Variants in DLC1 observed in about 807,000 individuals in gnomAD.
DLC1 encodes the protein rho GTPase-activating protein 7.
In DLC1, 54 loss-of-function variants were observed where a neutral mutation model predicts 140.3. The ratio of observed to expected loss-of-function variants is 0.38; its 90% CI spans 0.31 to 0.48. DLC1 has a LOEUF of 0.48. Ranked by LOEUF, DLC1 falls within the 20% of genes least tolerant of loss-of-function variation. The probability of loss-of-function intolerance (pLI) is 0.96; values close to 1 mark genes in which losing one functional copy is unlikely to be tolerated. For missense variants in DLC1, 2,536 were observed against 1,907.0 expected (o/e 1.33, Z -6.14); for synonymous variants, 986 against 728.1 (o/e 1.35, Z -5.70).
chr8:13,177,576 G>A (rs1585847195), intron 5 of DLC1, among the ~76,000 whole-genome samples: 1 of 152,278 alleles, frequency 6.6e-6, no homozygotes, highest in African/African-American at 2.4e-5. Flanking sequence ...ATTGATATAT[G>A]CATTACAAAA....
chr8:13,114,366 C>T (rs1159380742), intron 6 of DLC1, among the ~76,000 whole-genome samples: 1 of 152,104 alleles, frequency 6.6e-6, no homozygotes, highest in Non-Finnish European at 1.5e-5. Context: ...CGTCTCAAAA[C>T]AAATAAATAA....
At chr8:13,545,962 C>G (rs1188243793) in intron 1 of DLC1, among the ~76,000 whole-genome samples, 1 of 152,000 alleles carries the variant, frequency 6.6e-6, no homozygotes, top group East Asian at 1.9e-4. Context: ...CACTGGGATA[C>G]CAGCCAAGCA....
At chr8:13,287,745 C>T (rs1378760884) in intron 5 of DLC1, among the ~76,000 whole-genome samples, 2 of 151,970 alleles carry the variant, frequency 1.3e-5, no homozygotes, top group Admixed American at 1.3e-4. Context: ...GACTAGATCG[C>T]CGATGATGCA....
chr8:13,243,326 A>G (rs1022287851), intron 5 of DLC1, among the ~76,000 whole-genome samples: 15 of 139,306 alleles, frequency 1.1e-4, no homozygotes, highest in Non-Finnish European at 1.5e-4. Flanking sequence ...AGTGTGTAGC[A>G]TTTCACTCTT....
chr8:13,439,494 A>C (rs574511642), intron 2 of DLC1, among the ~76,000 whole-genome samples: 11 of 151,452 alleles, frequency 7.3e-5, no homozygotes, highest in African/African-American at 2.7e-4. Context: ...TTTTTTTTAA[A>C]TCCCTAATGA....
chr8:13,459,570 A>G (rs79611293), intron 2 of DLC1, among the ~76,000 whole-genome samples: 1,695 of 152,242 alleles, frequency 0.011, 32 homozygotes, highest in African/African-American at 0.039. Context: ...CTGTGTTCCA[A>G]TGGGGGCAGG....
chr8:13,100,101 G>C lies in DLC1; in HGVS notation c.2236C>G (p.Gln746Glu), dbSNP rs1563593972. ...NSTQTSSSSS[Q>E]SETSSAVSTP... Reference sequence around the variant, plus strand: ...CTGACCGCGCTGCTGGTCTCCGACTGGCTGCTGCTGCTGCTGGTCTGCGTG... The same window carrying C: ...CTGACCGCGCTGCTGGTCTCCGACTCGCTGCTGCTGCTGCTGGTCTGCGTG... The change falls in exon 9 of 18, where the codon CAG (glutamine) becomes GAG (glutamate). Residue 746 changes from glutamine (Q) to glutamate (E), a missense_variant. Gln to Glu is a conservative substitution (Grantham distance 29, BLOSUM62 2). Transcript: ENST00000276297. 16 of 1,613,346 alleles carry C rather than the reference G, an allele frequency of 9.9e-6. No homozygotes were observed. In the South Asian group the frequency reaches 1.8e-4, roughly 18 times the overall value.
intron 5 of DLC1, among the ~76,000 whole-genome samples, chr8:13,120,030 G>T (rs6531025): frequency 1.3e-5 from 2 of 151,598 alleles, no homozygotes; most frequent in Middle Eastern, 6.8e-3. Flanking sequence ...TGCAAGACAG[G>T]TTCTTCCCTT....
chr8:13,594,931 A>T (rs115499918), intron 1 of DLC1, among the ~76,000 whole-genome samples: 1 of 151,880 alleles, frequency 6.6e-6, no homozygotes, highest in African/African-American at 2.4e-5. Context: ...TTGATGTTCA[A>T]TGTGACTATT....
At position 13,095,259 on chromosome 8, in the gene DLC1, CA is replaced by C; in HGVS notation, c.3168-15del. 3.1e-6 allele frequency: 5 copies of C among 1,614,168 alleles called. No homozygotes were observed. The highest frequency in any genetic ancestry group is 3.4e-6 in the Non-Finnish European group (4 of 1,179,998). ...TTGGGCACGGCCCTGTTAAAGAACA[CA>C]GAGATGGTGGTGTTGGCGGAGACAT... On this transcript the variant is annotated splice_polypyrimidine_tract_variant and intron_variant, in intron 10 of 17. Coordinates refer to ENST00000276297, the MANE Select transcript of DLC1 (RefSeq NM_182643.3).
intron 4 of DLC1, among the ~76,000 whole-genome samples, chr8:13,327,978 T>G (rs1833440476): frequency 6.6e-6 from 1 of 152,198 alleles, no homozygotes; most frequent in Admixed American, 6.5e-5. Flanking sequence ...GAACTACATG[T>G]GCAAAAGTTC....
rs190260416 is a variant in DLC1 at position 13,136,687 on chromosome 8, A to G, written c.1349-21030T>C. 4.3e-3 allele frequency among the ~76,000 whole-genome samples: 656 copies of G among 152,246 alleles called. 7 individuals are homozygous for G. Among genetic ancestry groups the G allele is most frequent in the African/African-American group, 0.014 (596 of 41,550 alleles). On this transcript the variant is annotated intron_variant, in intron 5 of 17. Coordinates refer to ENST00000276297, the MANE Select transcript of DLC1 (RefSeq NM_182643.3). ...GTAGCTGGCACTACAGGTGCGTGCC[A>G]CCACATCTGGCTAATTTTTGTATTT...
chr8:13,162,154 G>C (rs1280586097), intron 5 of DLC1, among the ~76,000 whole-genome samples: 6 of 152,148 alleles, frequency 3.9e-5, no homozygotes, highest in Non-Finnish European at 7.3e-5. Context: ...CACTGCTCTT[G>C]GAACAGCTTG....
intron 5 of DLC1, among the ~76,000 whole-genome samples, chr8:13,125,186 A>G (rs943083532): frequency 8.5e-5 from 13 of 152,186 alleles, no homozygotes; most frequent in Non-Finnish European, 1.6e-4. Context: ...CATGTTGGCC[A>G]GGCTGGTCTC....
chr8:13,208,715 A>C (rs1195367974), intron 5 of DLC1, among the ~76,000 whole-genome samples: 1 of 143,292 alleles, frequency 7.0e-6, no homozygotes, highest in African/African-American at 2.7e-5. Context: ...GCAGGACAAG[A>C]AACACACACC....
rs573678826 is a variant in DLC1 at position 13,499,181 on chromosome 8, A to G, written c.891T>C (p.Ser297=). Residue 297 remains serine, a synonymous_variant, in exon 2 of 18, where the codon AGT becomes AGC. Coordinates refer to ENST00000276297, the MANE Select transcript of DLC1 (RefSeq NM_182643.3). ...TTTTGTTTTGATGTTGTGAAAAACC[A>G]CTCTTCTCCAGGCCATTTTCAGCTG... The part of the protein sequence containing the change: ...GMSAENGLEK[S]GFSQHQNKSP... 2.2e-4 allele frequency: 352 copies of G among 1,613,658 alleles called. 5 individuals carry two copies. In the South Asian group the frequency reaches 3.5e-3, roughly 16 times the overall value.
chr8:13,376,107 C>T (rs1021995073), intron 4 of DLC1, among the ~76,000 whole-genome samples: 4 of 152,152 alleles, frequency 2.6e-5, no homozygotes, highest in African/African-American at 4.8e-5. Flanking sequence ...TCGTGGCATC[C>T]GCTAGCTGAA....
At chr8:13,390,193 C>T (rs1836688515) in intron 4 of DLC1, among the ~76,000 whole-genome samples, 1 of 152,120 alleles carries the variant, frequency 6.6e-6, no homozygotes, top group African/African-American at 2.4e-5. Context: ...AGAATAACAA[C>T]ACCAATAACA....
At chr8:13,291,252 G>A (rs997172399) in intron 5 of DLC1, among the ~76,000 whole-genome samples, 5 of 152,160 alleles carry the variant, frequency 3.3e-5, no homozygotes, top group African/African-American at 1.2e-4. Context: ...CCAAGAGAAG[G>A]TGTAAAGACA....
Sources: allele counts gnomAD v4.1 joint callset (sites outside exome capture counted in the v4.1 genomes callset), GRCh38; gene constraint gnomAD v4.1.1; transcripts MANE v1.5; gene names NCBI Gene and HGNC (gene_info 2026-07-23, HGNC 2026-07-21).